Variants in MTMR2 observed in about 807,000 individuals in gnomAD.
MTMR2 encodes the protein phosphatidylinositol-3,5-bisphosphate 3-phosphatase MTMR2.
Under a neutral mutation model 86.9 loss-of-function variants are expected in MTMR2, and 55 were observed. That is an observed-to-expected ratio of 0.63 (90% CI 0.51 to 0.79). The LOEUF (loss-of-function observed/expected upper bound fraction) is 0.79, where lower values mean the gene tolerates loss of function less well. Among genes scored for constraint, MTMR2 ranks in the 30% least tolerant of loss-of-function variants. The probability of loss-of-function intolerance (pLI) is 0.00; values close to 1 mark genes in which losing one functional copy is unlikely to be tolerated. For synonymous variants in MTMR2, 241 were observed against 266.8 expected (o/e 0.90, Z 0.94); for missense variants, 659 against 772.3 (o/e 0.85, Z 1.74).
chr11:95,904,931 C>G (rs1475919696), intron 1 of MTMR2, among the ~76,000 whole-genome samples: 2 of 152,296 alleles, frequency 1.3e-5, no homozygotes, highest in East Asian at 3.9e-4. Flanking sequence ...TTCAGTCAGG[C>G]CTTTGCCTCC....
At position 95,833,895 on chromosome 11, in the gene MTMR2, G is replaced by A. The variant is rs886268275; in HGVS notation, c.*1395C>T. ...ACTTCCTCACTGCAAGACCAAGAGG[G>A]AGGCTAAGGTTCAGACTCTCTGTAT... On this transcript the variant is annotated 3_prime_UTR_variant, in exon 15 of 15. Transcript: ENST00000346299. 1 of 151,838 alleles carries A rather than the reference G, an allele frequency of 6.6e-6. No individual in the cohort carries two copies. The highest frequency in any genetic ancestry group is 1.5e-5 in the Non-Finnish European group (1 of 67,866). 9.4% of individuals were successfully genotyped at this position (151,838 alleles called of 1,614,324 possible).
At chr11:95,894,386 G>A (rs531072561) in intron 1 of MTMR2, among the ~76,000 whole-genome samples, 97 of 152,092 alleles carry the variant, frequency 6.4e-4, no homozygotes, top group African/African-American at 2.2e-3. Flanking sequence ...AATAAAACAC[G>A]TAAAACACTG....
chr11:95,890,752 T>C (rs1012091991), intron 1 of MTMR2, among the ~76,000 whole-genome samples: 122 of 152,236 alleles, frequency 8.0e-4, no homozygotes, highest in African/African-American at 2.7e-3. Context: ...TTATGTAACA[T>C]AAATGGGTGA....
chr11:95,915,815 C>T (rs986125135), intron 1 of MTMR2, among the ~76,000 whole-genome samples: 1 of 152,084 alleles, frequency 6.6e-6, no homozygotes, highest in Non-Finnish European at 1.5e-5. Context: ...ACTACTTTAC[C>T]GTGCAATTCC....
At chr11:95,890,162 C>T (rs1277236086) in intron 1 of MTMR2, among the ~76,000 whole-genome samples, 1 of 152,076 alleles carries the variant, frequency 6.6e-6, no homozygotes, top group Non-Finnish European at 1.5e-5. Flanking sequence ...TTTCCAACAA[C>T]CTATACTATT....
intron 7 of MTMR2, 112 bp downstream of exon 7, chr11:95,857,440 G>A (rs1355296549): frequency 2.7e-6 from 2 of 728,854 alleles, no homozygotes; most frequent in Non-Finnish European, 4.9e-6. Flanking sequence ...CTCTTAATGT[G>A]GTGAATTACT....
chr11:95,860,675 G>A (rs1376853332), intron 5 of MTMR2, among the ~76,000 whole-genome samples: 1 of 152,122 alleles, frequency 6.6e-6, no homozygotes, highest in Non-Finnish European at 1.5e-5. Flanking sequence ...AATGTGCATG[G>A]GTGTTAGTTA....
intron 1 of MTMR2, among the ~76,000 whole-genome samples, chr11:95,900,170 T>C (rs1426685705): frequency 1.3e-5 from 2 of 152,132 alleles, no homozygotes; most frequent in African/African-American, 2.4e-5. Flanking sequence ...AATAATTCAA[T>C]AGATTTTGAT....
At chr11:95,923,668 G>A (rs1867017847) in intron 1 of MTMR2, 1 of 1,424,046 alleles carries the variant, frequency 7.0e-7, no homozygotes, top group Middle Eastern at 2.0e-4. Flanking sequence ...TAGAGGAATC[G>A]ATAAAGAAGC....
In MTMR2 at chr11:95,858,625, C is replaced by T. The variant is rs1864297741; in HGVS notation, c.476G>A (p.Arg159Lys). Residue 159 changes from arginine to lysine, a missense_variant, in exon 6 of 15, where the codon AGG (arginine) becomes AAG (lysine). Around this residue, in one of 3 missense-constraint regions of MTMR2, gnomAD observed 387 missense variants for 526.3 expected, o/e 0.74. Transcript: ENST00000346299. ...YGLETVCKDI[R>K]NLRFAHKPEG... ...AGGTTTATGAGCAAATCGTAAATTCCTAATATCCTAGAAAAGATTTAGGAA... is the reference window on the plus strand; with the variant it reads ...AGGTTTATGAGCAAATCGTAAATTCTTAATATCCTAGAAAAGATTTAGGAA... 3 of 1,602,554 alleles carry T rather than the reference C, an allele frequency of 1.9e-6. No individual in the cohort carries two copies. The highest frequency in any genetic ancestry group is 2.6e-6 in the Non-Finnish European group (3 of 1,169,922).
chr11:95,878,527 T>A (rs1308542559), intron 2 of MTMR2, among the ~76,000 whole-genome samples: 1 of 152,044 alleles, frequency 6.6e-6, no homozygotes, highest in African/African-American at 2.4e-5. Flanking sequence ...GTAATAAATA[T>A]CAATTCCTTC....
At chr11:95,865,737 T>C (rs903433952) in intron 2 of MTMR2, 61 bp from the exon 3 acceptor site, 4 of 1,322,030 alleles carry the variant, frequency 3.0e-6, no homozygotes, top group Non-Finnish European at 3.3e-6. Flanking sequence ...TTTTCACTCA[T>C]ATTTCAACTG....
chr11:95,858,105 T>C (rs991880770), intron 6 of MTMR2, among the ~76,000 whole-genome samples: 13 of 152,122 alleles, frequency 8.5e-5, no homozygotes, highest in African/African-American at 2.4e-4. Flanking sequence ...ATAGGCTACA[T>C]AGAAGTGAAA....
intron 12 of MTMR2, among the ~76,000 whole-genome samples, 167 bp from the exon 13 acceptor site, chr11:95,838,374 T>A (rs1361143044): frequency 6.6e-6 from 1 of 152,050 alleles, no homozygotes; most frequent in East Asian, 1.9e-4. Flanking sequence ...TTTTCAAAAA[T>A]CATGTTATCA....
At chr11:95,890,894 A>T (rs1865692795) in intron 1 of MTMR2, among the ~76,000 whole-genome samples, 1 of 152,004 alleles carries the variant, frequency 6.6e-6, no homozygotes, top group South Asian at 2.1e-4. Flanking sequence ...TAAAATTAAA[A>T]TTTTTTAAAT....
Position 95,850,727 on chromosome 11 carries a change from C to A in MTMR2, c.677G>T (p.Arg226Ile). 1 of 1,613,994 alleles carries A rather than the reference C, an allele frequency of 6.2e-7. No individual in the cohort carries two copies. The highest frequency in any genetic ancestry group is 8.5e-7 in the Non-Finnish European group (1 of 1,179,920). The part of the protein sequence containing the change: ...RRQGIPNESW[R>I]ITKINERYEL... Reference sequence around the variant, plus strand: ...ATATCGTTCATTTATCTTTGTTATTCTCCAGCTTTCATTTGGAATTCCCTA... The same window carrying A: ...ATATCGTTCATTTATCTTTGTTATTATCCAGCTTTCATTTGGAATTCCCTA... Residue 226 changes from arginine to isoleucine, a missense_variant, in exon 8 of 15, where the codon AGA (arginine) becomes ATA (isoleucine). Around this residue, in one of 3 missense-constraint regions of MTMR2, gnomAD observed 387 missense variants for 526.3 expected, o/e 0.74. Transcript: ENST00000346299.
chr11:95,867,939 C>G (rs1238238250), intron 2 of MTMR2, among the ~76,000 whole-genome samples: 1 of 151,814 alleles, frequency 6.6e-6, no homozygotes, highest in East Asian at 1.9e-4. Flanking sequence ...GTACTTGGCA[C>G]ACTCAAAAGG....
chr11:95,861,838 C>T (rs865922721), intron 5 of MTMR2, among the ~76,000 whole-genome samples, 154 bp downstream of exon 5: 15 of 152,166 alleles, frequency 9.9e-5, no homozygotes, highest in South Asian at 2.1e-4. Flanking sequence ...TCTATTACTG[C>T]TAAATTTTGT....
chr11:95,853,770 G>T (rs981056346), intron 7 of MTMR2, among the ~76,000 whole-genome samples: 5 of 152,112 alleles, frequency 3.3e-5, no homozygotes, highest in African/African-American at 1.2e-4. Context: ...TATTTAGAAG[G>T]TATTATATGA....
Sources: gnomAD v4.1 joint callset for allele counts (sites outside exome capture counted in the v4.1 genomes callset) on GRCh38, gnomAD v4.1.1 for gene constraint, gnomAD v4.1.1 regional missense constraint, MANE v1.5 for transcripts, NCBI Gene and HGNC (gene_info 2026-07-23, HGNC 2026-07-21) for gene names.